CARNS1: variants seen among roughly 807,000 people sequenced by gnomAD.
CARNS1 encodes ATP-grasp domain containing 1.
In CARNS1, 61 loss-of-function variants were observed where a neutral mutation model predicts 74.0. That is an observed-to-expected ratio of 0.82 (90% confidence interval 0.67 to 1.02). The LOEUF (loss-of-function observed/expected upper bound fraction) is 1.02, where lower values mean the gene tolerates loss of function less well. Among genes scored for constraint, CARNS1 ranks in the 50% least tolerant of loss-of-function variants. The pLI, the probability that CARNS1 is intolerant of heterozygous loss-of-function variation, is 0.00. For missense variants in CARNS1, 1,278 were observed against 1,308.4 expected (o/e 0.98, Z 0.36); for synonymous variants, 568 against 605.5 (o/e 0.94, Z 0.91).
At chr11:67,419,965 G>C in intron 7 of CARNS1, 127 bp downstream of exon 7, 1 of 919,162 alleles carries the variant, frequency 1.1e-6, no homozygotes, top group Non-Finnish European at 1.7e-6. Flanking sequence ...GGGGGTCGTA[G>C]TTGCCTCTGG....
rs1326309091 is a variant in CARNS1 at position 67,424,891 on chromosome 11, A to C, written c.*290A>C. On this transcript the variant is annotated 3_prime_UTR_variant, in exon 10 of 10. Coordinates refer to ENST00000687366, the MANE Select transcript of CARNS1 (RefSeq NM_001166222.2). ...CACACACACACACACACACACACAC[A>C]CCTCTGACGCCAGCTCCCCAGGTGG... 4 of 599,110 alleles carry C rather than the reference A, an allele frequency of 6.7e-6. No individual in the cohort carries two copies. Among genetic ancestry groups the C allele is most frequent in the Non-Finnish European group, 9.4e-6 (3 of 320,436 alleles). The allele number at this position is 599,110 out of a possible 1,614,324, so 37.1% of individuals were successfully genotyped here. A position where few individuals can be genotyped will look rare whatever the true frequency, so the allele number is the denominator to read the frequency against.
intron 3 of CARNS1, among the ~76,000 whole-genome samples, chr11:67,418,129 A>C (rs1757653022): frequency 6.6e-6 from 1 of 152,178 alleles, no homozygotes; most frequent in African/African-American, 2.4e-5. Context: ...CAAACTTGGA[A>C]ACTGAGGCTT....
Position 67,421,121 on chromosome 11 carries a change from G to A in CARNS1, c.1528G>A (p.Ala510Thr), listed in dbSNP as rs973693426. 3 of 1,467,010 alleles carry A rather than the reference G, an allele frequency of 2.0e-6. No homozygotes were observed. The highest frequency in any genetic ancestry group is 1.5e-5 in the African/African-American group (1 of 67,860). The allele number at this position is 1,467,010 out of a possible 1,614,324, so 90.9% of individuals were successfully genotyped here. Reference sequence around the variant, plus strand: ...GGTGGAGACCATGCTTCGGCGGTCGGCGCGCTGCCTCATGGAGGGAAAACA... The same window carrying A: ...GGTGGAGACCATGCTTCGGCGGTCGACGCGCTGCCTCATGGAGGGAAAACA... ...PLVETMLRRS[A>T]RCLMEGKQLL... The change falls in exon 9 of 10, where the codon GCG becomes ACG. Residue 510 changes from alanine (A) to threonine (T), a missense_variant. Transcript: ENST00000687366.
At position 67,421,107 on chromosome 11, in the gene CARNS1, T is replaced by G; in HGVS notation, c.1514T>G (p.Met505Arg). Residue 505 changes from methionine (M) to arginine (R), a missense_variant, in exon 9 of 10, where the codon ATG becomes AGG. Physicochemically the swap from Met to Arg is moderately conservative, Grantham distance 91. This residue lies in a region of CARNS1 where 1,164 missense variants were observed against 1,156.5 expected (regional missense o/e 1.01). Transcript: ENST00000687366. ...EAVAAPLVET[M>R]LRRSARCLME... ...GTGGCGGCGCCGCTGGTGGAGACCA[T>G]GCTTCGGCGGTCGGCGCGCTGCCTC... 6.9e-7 allele frequency: 1 copy of G among 1,452,436 alleles called. No individual in the cohort carries two copies. Among genetic ancestry groups the G allele is most frequent in the South Asian group, 1.3e-5 (1 of 74,778 alleles). 90.0% of individuals were successfully genotyped at this position (1,452,436 alleles called of 1,614,324 possible).
Position 67,417,284 on chromosome 11 carries a change from C to T in CARNS1, c.4-123C>T, listed in dbSNP as rs376651737. ...CAACACAAGCCTTTCCTCTCCTAGT[C>T]CCCGGGACGGTGTCAGCCCTGAACA... On this transcript the variant is annotated intron_variant, in intron 2 of 9. Transcript: ENST00000687366. 6.6e-5 allele frequency: 82 copies of T among 1,242,566 alleles called. 2 individuals carry two copies. The highest frequency in any genetic ancestry group is 2.5e-4 in the East Asian group (8 of 31,778). The allele number at this position is 1,242,566 out of a possible 1,614,324, so 77.0% of individuals were successfully genotyped here. A position where few individuals can be genotyped will look rare whatever the true frequency, so the allele number is the denominator to read the frequency against.
intron 2 of CARNS1, chr11:67,417,032 G>C (rs1402498331): frequency 9.8e-7 from 1 of 1,022,412 alleles, no homozygotes; most frequent in African/African-American, 1.7e-5. Flanking sequence ...CACTTACTGA[G>C]AAGTGGCTGT....
chr11:67,417,220 A>T, intron 2 of CARNS1, 187 bp from the exon 3 acceptor site: 1 of 1,232,108 alleles, frequency 8.1e-7, no homozygotes. Context: ...TTTACAAAGC[A>T]CTCCCACGGT....
At position 67,415,678 on chromosome 11, in the gene CARNS1, G is replaced by GCTGTGC. The variant is rs1863525466; in HGVS notation, c.-108_-103dup. ...TAAAGCGGCGCCGCTTGGGCCGGGCGCTGTGCCACTGCCACCGCCGCCGCC... is the reference window on the plus strand; with the variant it reads ...TAAAGCGGCGCCGCTTGGGCCGGGCGCTGTGCCTGTGCCACTGCCACCGCCGCCGCC... On this transcript the variant is annotated 5_prime_UTR_variant, in exon 1 of 10. Coordinates refer to ENST00000687366, the MANE Select transcript of CARNS1 (RefSeq NM_001166222.2). The GCTGTGC allele has an allele frequency of 6.5e-6, 1 of 153,388 alleles. No individual in the cohort carries two copies. The highest frequency in any genetic ancestry group is 1.5e-5 in the Non-Finnish European group (1 of 68,724). 9.5% of individuals were successfully genotyped at this position (153,388 alleles called of 1,614,324 possible). A position where few individuals can be genotyped will look rare whatever the true frequency, so the allele number is the denominator to read the frequency against.
rs1863762108 is a variant in CARNS1, at chr11:67,423,739, C to T, written c.1991C>T (p.Ala664Val). 8.9e-6 allele frequency: 14 copies of T among 1,580,170 alleles called. No homozygotes were observed. Among genetic ancestry groups the T allele is most frequent in the Non-Finnish European group, 1.1e-5 (13 of 1,168,622 alleles). ...GAGAGTGAGGCTGATGTGGAGAGGG[C>T]CGTGCACCAGGTACCCCTGCCAGGT... The part of the protein sequence containing the change: ...PLESEADVER[A>V]VHQVPLPGVM... The change falls in exon 10 of 10, where the codon GCC (alanine) becomes GTC (valine). Residue 664 changes from alanine (A) to valine (V), a missense_variant. By Grantham distance (64) the Ala-to-Val change is moderately conservative (BLOSUM62 0). Coordinates refer to ENST00000687366, the MANE Select transcript of CARNS1 (RefSeq NM_001166222.2). The surrounding 1 kb of genome is among the most constrained non-coding windows in gnomAD (Gnocchi z 5.1).
At position 67,420,855 on chromosome 11, in the gene CARNS1, C is replaced by G. The variant is rs1389633644; in HGVS notation, c.1345+15C>G. On this transcript the variant is annotated intron_variant, in intron 8 of 9. Coordinates refer to ENST00000687366, the MANE Select transcript of CARNS1 (RefSeq NM_001166222.2). ...GGACTTCCTGGGTGAGTGAGGGCGG[C>G]CGGGGCCGGGGCCGGGAGCCGAGGG... 16 of 1,262,318 alleles carry G rather than the reference C, an allele frequency of 1.3e-5. No individual in the cohort carries two copies. The South Asian group carries it at 3.1e-4, about 25-fold the overall frequency. The allele number at this position is 1,262,318 out of a possible 1,614,324, so 78.2% of individuals were successfully genotyped here.
Position 67,418,914 on chromosome 11 carries a change from T to G in CARNS1, c.523T>G (p.Phe175Val). ...DFVPPRRATY[F>V]LAGLGLGPGR... The stretch of plus-strand genomic sequence containing the variant: ...TGTCCCCCCGCGCCGTGCCACCTAC[T>G]TTTTGGCAGGCCTGGGCCTGGGGCC... The change falls in exon 5 of 10, where the codon TTT (phenylalanine) becomes GTT (valine). Residue 175 changes from phenylalanine to valine, a missense_variant. By Grantham distance (50) the Phe-to-Val change is conservative (BLOSUM62 -1). Around this residue, in one of 3 missense-constraint regions of CARNS1, gnomAD observed 1,164 missense variants for 1,156.5 expected, o/e 1.01. Transcript: ENST00000687366. 6.3e-7 allele frequency: 1 copy of G among 1,591,162 alleles called. No homozygotes were observed. Among genetic ancestry groups the G allele is most frequent in the Non-Finnish European group, 8.6e-7 (1 of 1,168,656 alleles).
At chr11:67,421,712 A>G (rs1565137562) in intron 9 of CARNS1, among the ~76,000 whole-genome samples, 2 of 152,166 alleles carry the variant, frequency 1.3e-5, no homozygotes, top group Admixed American at 6.5e-5. Context: ...GGAGCGAGCC[A>G]GGCAGGTAGA....
At position 67,424,128 on chromosome 11, in the gene CARNS1, G is replaced by A. The variant is rs1863774462; in HGVS notation, c.2380G>A (p.Asp794Asn). ...FRCCLGCGLL[D>N]GVFNVELKLT... ...CTGTTGCCTGGGCTGCGGGTTGCTC[G>A]ATGGAGTCTTCAACGTGGAGCTCAA... Residue 794 changes from aspartate (D) to asparagine (N), a missense_variant, in exon 10 of 10, where the codon GAT becomes AAT. By Grantham distance (23) the Asp-to-Asn change is conservative (BLOSUM62 1). Around this residue, in one of 3 missense-constraint regions of CARNS1, gnomAD observed 1,164 missense variants for 1,156.5 expected, o/e 1.01. Transcript: ENST00000687366. The A allele has an allele frequency of 5.0e-6, 8 of 1,613,792 alleles. No individual in the cohort carries two copies. Among genetic ancestry groups the A allele is most frequent in the South Asian group, 2.2e-5 (2 of 91,082 alleles).
Position 67,418,469 on chromosome 11 carries a change from TC to T in CARNS1, c.318del (p.Ser107AlafsTer27). The T allele has an allele frequency of 6.8e-7, 1 of 1,478,542 alleles. No individual in the cohort carries two copies. The highest frequency in any genetic ancestry group is 1.3e-5 in the South Asian group (1 of 77,116). 91.6% of individuals were successfully genotyped at this position (1,478,542 alleles called of 1,614,324 possible). A position where few individuals can be genotyped will look rare whatever the true frequency, so the allele number is the denominator to read the frequency against. ...GAEVTLCVLG[S>X]PSTFLPVLLE... ...GGAGGTGACCTTGTGCGTTCTGGGC[TC>T]CCCCAGCACCTTTCTGCCTGTGCTG... On this transcript the variant is annotated frameshift_variant, in exon 4 of 10. Transcript: ENST00000687366. LOFTEE classifies it high-confidence loss of function.
rs35293042 is a variant in CARNS1, at chr11:67,422,171, CT to C, written c.1626+982del. ...ACAGGCGTGAGCCACCGCGCCCGGC[CT>C]TTTTTTTTTTTTTTTTTTTTTTTTT... On this transcript the variant is annotated intron_variant, in intron 9 of 9. Coordinates refer to ENST00000687366, the MANE Select transcript of CARNS1 (RefSeq NM_001166222.2). Among the ~76,000 whole-genome samples, 295 of 72,796 alleles carry C rather than the reference CT, an allele frequency of 4.1e-3. 2 individuals carry two copies. Among genetic ancestry groups the C allele is most frequent in the African/African-American group, 0.017 (201 of 11,592 alleles). 47.8% of individuals were successfully genotyped at this position (72,796 alleles called of 152,430 possible). A position where few individuals can be genotyped will look rare whatever the true frequency, so the allele number is the denominator to read the frequency against.
intron 9 of CARNS1, among the ~76,000 whole-genome samples, chr11:67,422,546 TG>T (rs1231935913): frequency 1.3e-5 from 2 of 151,942 alleles, no homozygotes; most frequent in African/African-American, 4.8e-5. Flanking sequence ...AGGATGGTCT[TG>T]AACTCCTGAG....
intron 9 of CARNS1, among the ~76,000 whole-genome samples, 170 bp downstream of exon 9, chr11:67,421,389 A>G (rs12290164): frequency 0.29 from 43,393 of 152,160 alleles, 12,060 homozygotes; most frequent in African/African-American, 0.71. Flanking sequence ...CCCAGGAGTA[A>G]GGGCGGAGTC....
rs778538790 is a variant in CARNS1 at position 67,419,437 on chromosome 11, G to T, written c.853-50G>T. The T allele has an allele frequency of 1.8e-5, 29 of 1,589,958 alleles. No individual in the cohort carries two copies. The African/African-American group carries it at 2.8e-4, about 15-fold the overall frequency. On this transcript the variant is annotated intron_variant, in intron 5 of 9. Coordinates refer to ENST00000687366, the MANE Select transcript of CARNS1 (RefSeq NM_001166222.2). ...TCCTGTGGCGGAAGTGCCCCACCCT[G>T]CAGTACCTGGGGTGGTGTCCAGGAG...
In CARNS1 at chr11:67,418,744, C is replaced by T. The variant is rs1863610299; in HGVS notation, c.365-12C>T. The T allele has an allele frequency of 6.4e-7, 1 of 1,568,568 alleles. No homozygotes were observed. Among genetic ancestry groups the T allele is most frequent in the South Asian group, 1.2e-5 (1 of 84,584 alleles). The stretch of plus-strand genomic sequence containing the variant: ...CCTTCCCTGGCCAGCCACTTGCCTT[C>T]TCTGCCCACAGGAAACATGCTCCTT... On this transcript the variant is annotated splice_polypyrimidine_tract_variant and intron_variant, in intron 4 of 9. Coordinates refer to ENST00000687366, the MANE Select transcript of CARNS1 (RefSeq NM_001166222.2).
Sources: allele counts gnomAD v4.1 joint callset (sites outside exome capture counted in the v4.1 genomes callset), GRCh38; gene constraint gnomAD v4.1.1; regional missense constraint gnomAD v4.1.1; non-coding constraint Gnocchi (gnomAD v3.1); transcripts MANE v1.5; gene names NCBI Gene and HGNC (gene_info 2026-07-23, HGNC 2026-07-21).